The following ST7 variants were observed in gnomAD, a reference collection of about 807,000 sequenced individuals.
The protein encoded by ST7 is suppression of tumorigenicity 7.
ST7 carries 28 observed loss-of-function variants against 78.7 expected under a neutral mutation model. The observed-to-expected ratio is 0.36, with a 90% confidence interval of 0.26 to 0.49. The LOEUF is 0.49. ST7 is among the 20% of genes least tolerant of loss of function. ST7 has a pLI of 0.99. For missense variants in ST7, 418 were observed against 696.0 expected (o/e 0.60, Z 4.49); for synonymous variants, 247 against 249.6 (o/e 0.99, Z 0.10).
chr7:116,972,716 C>T (rs1793492323), intron 1 of ST7: 3 of 921,354 alleles, frequency 3.3e-6, no homozygotes, highest in Non-Finnish European at 5.4e-6. Context: ...CGCTCCTGAG[C>T]ACAGTCCAGC....
At chr7:117,067,663 AT>A (rs1422867991) in intron 1 of ST7, among the ~76,000 whole-genome samples, 1 of 152,114 alleles carries the variant, frequency 6.6e-6, no homozygotes, top group African/African-American at 2.4e-5. Context: ...GTGGCTAAAG[AT>A]TTTTGCAATA....
intron 10 of ST7, among the ~76,000 whole-genome samples, chr7:117,176,111 A>G (rs917802108): frequency 3.3e-5 from 5 of 152,208 alleles, no homozygotes; most frequent in Non-Finnish European, 2.9e-5. Flanking sequence ...GCCTCTGAAC[A>G]ATTTGTCCTA....
chr7:117,222,116 C>T (rs1489843050), intron 15 of ST7, 54 bp downstream of exon 15: 11 of 1,548,940 alleles, frequency 7.1e-6, no homozygotes, highest in South Asian at 1.2e-5. Flanking sequence ...AAGCCAAGGG[C>T]ATAAAAGCAG....
intron 2 of ST7, among the ~76,000 whole-genome samples, chr7:117,103,657 A>G (rs1457220092): frequency 6.6e-6 from 1 of 152,216 alleles, no homozygotes; most frequent in Non-Finnish European, 1.5e-5. Flanking sequence ...GAAAGAAAAC[A>G]TTGGGGAAAT....
intron 1 of ST7, chr7:117,073,128 A>C (rs1441246793): frequency 8.5e-5 from 13 of 152,210 alleles, no homozygotes; most frequent in Admixed American, 8.5e-4. Context: ...TTAAGTAGTT[A>C]CTGGAATGAG....
intron 1 of ST7, among the ~76,000 whole-genome samples, chr7:117,066,317 C>G (rs958380311): frequency 2.0e-5 from 3 of 152,120 alleles, no homozygotes; most frequent in African/African-American, 7.2e-5. Flanking sequence ...GGAAATAGAC[C>G]GTGTCTATGT....
chr7:117,111,149 C>T (rs1802397217), intron 2 of ST7, among the ~76,000 whole-genome samples: 1 of 152,180 alleles, frequency 6.6e-6, no homozygotes, highest in Admixed American at 6.5e-5. Context: ...GGTTTCTATT[C>T]AGCCACTATC....
chr7:117,119,489 G>A, intron 2 of ST7, 72 bp from the exon 3 acceptor site: 1 of 1,399,840 alleles, frequency 7.1e-7, no homozygotes, highest in Non-Finnish European at 9.6e-7. Context: ...AATGTAACAT[G>A]TTTTATGGGC....
intron 13 of ST7, 70 bp downstream of exon 13, chr7:117,210,007 T>G (rs537355616): frequency 6.5e-7 from 1 of 1,528,516 alleles, no homozygotes; most frequent in African/African-American, 1.4e-5. Context: ...TTGCACTGTT[T>G]ATGATGAATA....
At chr7:117,050,242 A>G (rs1474907053) in intron 1 of ST7, among the ~76,000 whole-genome samples, 1 of 152,076 alleles carries the variant, frequency 6.6e-6, no homozygotes, top group Non-Finnish European at 1.5e-5. Flanking sequence ...AAAAAGAAAA[A>G]TATGCCAGAC....
intron 2 of ST7, 100 bp from the exon 3 acceptor site, chr7:117,119,461 C>A: frequency 8.9e-7 from 1 of 1,129,414 alleles, no homozygotes; most frequent in Non-Finnish European, 1.2e-6. Flanking sequence ...ATAAAATATA[C>A]TTAAGGTGGA....
At chr7:117,122,424 A>G (rs1055353491) in intron 3 of ST7, among the ~76,000 whole-genome samples, 5 of 151,836 alleles carry the variant, frequency 3.3e-5, no homozygotes, top group African/African-American at 1.2e-4. Context: ...CACTGAGGAT[A>G]ACCTGTGGAA....
intron 1 of ST7, among the ~76,000 whole-genome samples, chr7:117,093,959 T>C (rs1417000188): frequency 6.6e-6 from 1 of 152,214 alleles, no homozygotes; most frequent in Admixed American, 6.5e-5. Flanking sequence ...CCCCCTATTC[T>C]TTATCTTTTT....
Position 117,123,204 on chromosome 7 carries a change from A to C in ST7, c.394+3484A>C, listed in dbSNP as rs186092895. Reference sequence around the variant, plus strand: ...AAATCATTGAAAAAAGTAAGAATAAAGGGGAAATATCAGTTATAAACATTG... The same window carrying C: ...AAATCATTGAAAAAAGTAAGAATAACGGGGAAATATCAGTTATAAACATTG... On this transcript the variant is annotated intron_variant, in intron 3 of 15. Coordinates refer to ENST00000323984, the MANE Select transcript of ST7 (RefSeq NM_001369598.1). Among the ~76,000 whole-genome samples the C allele has an allele frequency of 3.1e-4, 47 of 152,296 alleles. No individual in the cohort carries two copies. The East Asian group carries it at 8.5e-3, about 27-fold the overall frequency.
At chr7:117,154,437 T>C (rs943996709) in intron 9 of ST7, among the ~76,000 whole-genome samples, 12 of 152,192 alleles carry the variant, frequency 7.9e-5, no homozygotes, top group African/African-American at 2.9e-4. Context: ...GGATTCCCTG[T>C]GTGGCTGACA....
intron 1 of ST7, among the ~76,000 whole-genome samples, chr7:117,041,763 T>A (rs1797245110): frequency 6.6e-6 from 1 of 152,218 alleles, no homozygotes; most frequent in Admixed American, 6.5e-5. Flanking sequence ...AAAATCTCTA[T>A]GTCCATGTCC....
At chr7:117,024,775 G>A (rs1313821427) in intron 1 of ST7, among the ~76,000 whole-genome samples, 3 of 152,102 alleles carry the variant, frequency 2.0e-5, no homozygotes, top group Non-Finnish European at 2.9e-5. Context: ...TGGTGTGGCT[G>A]GTCCACACAT....
At chr7:117,030,134 A>C (rs1260357892) in intron 1 of ST7, among the ~76,000 whole-genome samples, 1 of 152,192 alleles carries the variant, frequency 6.6e-6, no homozygotes, top group African/African-American at 2.4e-5. Flanking sequence ...AACAATATTA[A>C]GTTTTGCAAT....
intron 10 of ST7, among the ~76,000 whole-genome samples, chr7:117,186,852 A>G (rs1050956392): frequency 4.6e-5 from 7 of 152,170 alleles, no homozygotes; most frequent in African/African-American, 4.8e-5. Flanking sequence ...GCCATTTCCA[A>G]TTTTCCATTA....
Sources: gnomAD v4.1 joint callset for allele counts (sites outside exome capture counted in the v4.1 genomes callset) on GRCh38, gnomAD v4.1.1 for gene constraint, MANE v1.5 for transcripts, NCBI Gene and HGNC (gene_info 2026-07-23, HGNC 2026-07-21) for gene names.